Variants in GPRC5B observed in about 807,000 individuals in gnomAD.
GPRC5B encodes the protein G protein-coupled receptor class C group 5 member B.
A neutral mutation model predicts 30.1 loss-of-function variants in GPRC5B; 16 were observed. The ratio of observed to expected loss-of-function variants is 0.53; its 90% confidence interval spans 0.36 to 0.81. The LOEUF (loss-of-function observed/expected upper bound fraction) is 0.81. Ranked by LOEUF, GPRC5B falls within the 30% of genes least tolerant of loss-of-function variation. The pLI, the probability that GPRC5B is intolerant of heterozygous loss-of-function variation, is 0.01. For synonymous variants in GPRC5B, 241 were observed against 239.5 expected (o/e 1.01, Z -0.06); for missense variants, 428 against 544.7 (o/e 0.79, Z 2.13).
upstream of GPRC5B, chr16:19,885,240 A>G (rs1158770446): frequency 7.8e-7 from 1 of 1,288,506 alleles, no homozygotes; most frequent in Non-Finnish European, 1.0e-6. The surrounding 1 kb of genome is among the most constrained non-coding windows in gnomAD (Gnocchi z 5.3). Context: ...CCAGCGCGGA[A>G]GCCTTCCTGC....
chr16:19,876,783 C>A (rs1390690443), intron 1 of GPRC5B, among the ~76,000 whole-genome samples: 1 of 152,214 alleles, frequency 6.6e-6, no homozygotes, highest in African/African-American at 2.4e-5. Context: ...GAGGGTGGAA[C>A]GCTCTGCTCT....
chr16:19,885,140 G>C (rs1045172981), upstream of GPRC5B: 5 of 1,148,278 alleles, frequency 4.4e-6, no homozygotes, highest in Admixed American at 2.3e-5. This position sits in a 1 kb window ranked among gnomAD's most constrained non-coding sequence, Gnocchi z 5.3. Flanking sequence ...CAGTCCAGAC[G>C]AGCCGGGCAA....
Position 19,858,590 on chromosome 16 carries a change from A to G in GPRC5B, c.*1910T>C, listed in dbSNP as rs1567205497. 4.9e-6 allele frequency: 3 copies of G among 614,256 alleles called. No homozygotes were observed. The highest frequency in any genetic ancestry group is 8.9e-6 in the Non-Finnish European group (3 of 338,872). 38.1% of individuals were successfully genotyped at this position (614,256 alleles called of 1,614,324 possible). A position where few individuals can be genotyped will look rare whatever the true frequency, so the allele number is the denominator to read the frequency against. ...TGCTGTCGTTTTTTCACCGGACAGG[A>G]CCGAGGTGTTTGAAGATTTCTTTCT... On this transcript the variant is annotated 3_prime_UTR_variant, in exon 4 of 4. Transcript: ENST00000300571.
upstream of GPRC5B, chr16:19,884,864 T>G (rs1172363740): frequency 1.4e-5 from 14 of 981,754 alleles, no homozygotes; most frequent in Admixed American, 1.9e-4. Context: ...CCAGAGTCGC[T>G]GCCGCGCGAG....
chr16:19,872,872 T>TG lies in GPRC5B; in HGVS notation c.-1-27dup. On this transcript the variant is annotated intron_variant, in intron 1 of 3. Transcript: ENST00000300571. The surrounding 1 kb of genome is among the most constrained non-coding windows in gnomAD (Gnocchi z 5.0). ...CTAGAAAAGCCAAGAGGGGAATGGT[T>TG]GGGGGGAAGGAAAGATGAATTCATT... 4 of 1,551,574 alleles carry TG rather than the reference T, an allele frequency of 2.6e-6. No homozygotes were observed. Among genetic ancestry groups the TG allele is most frequent in the Admixed American group, 1.7e-5 (1 of 58,660 alleles).
At position 19,871,899 on chromosome 16, in the gene GPRC5B, C is replaced by T. The variant is rs1026987027; in HGVS notation, c.947G>A (p.Arg316Gln). The stretch of plus-strand genomic sequence containing the variant: ...CACGTCCTCCTCGAAGGCCGTCTCC[C>T]GCATCCTGGGCTGCGACGTGTCGAA... The part of the protein sequence containing the change: ...NYFDTSQPRM[R>Q]ETAFEEDVQL... The change falls in exon 2 of 4, where the codon CGG becomes CAG. Residue 316 changes from arginine to glutamine, a missense_variant. Coordinates refer to ENST00000300571, the MANE Select transcript of GPRC5B (RefSeq NM_016235.3). 41 of 1,613,932 alleles carry T rather than the reference C, an allele frequency of 2.5e-5. 1 individual carries two copies. Among genetic ancestry groups the T allele is most frequent in the Non-Finnish European group, 3.1e-5 (36 of 1,180,040 alleles).
At chr16:19,885,334 C>T, upstream of GPRC5B, 1 of 1,210,862 alleles carries the variant, frequency 8.3e-7, no homozygotes, top group Non-Finnish European at 1.1e-6. This position sits in a 1 kb window ranked among gnomAD's most constrained non-coding sequence, Gnocchi z 5.3. Context: ...CAGAGAGGAT[C>T]GATCCCGCCC....
At chr16:19,884,054 T>G (rs2056830125) in intron 1 of GPRC5B, among the ~76,000 whole-genome samples, 3 of 151,124 alleles carry the variant, frequency 2.0e-5, no homozygotes, top group South Asian at 2.1e-4. Context: ...GAGGTCCAAG[T>G]GCCCCCTGTC....
chr16:19,863,107 A>C (rs1030023611), intron 2 of GPRC5B, among the ~76,000 whole-genome samples: 1 of 151,362 alleles, frequency 6.6e-6, no homozygotes, highest in Non-Finnish European at 1.5e-5. Flanking sequence ...TTAACCATTA[A>C]CTCATTTAAT....
Position 19,872,073 on chromosome 16 carries a change from T to C in GPRC5B, c.773A>G (p.Asn258Ser). ...VAWMTMYLFG[N>S]VKLQQGDAWN... is the part of the protein sequence containing the mutation. Reference sequence around the variant, plus strand: ...GGCATCCCCCTGCTGCAGCTTGACATTGCCGAAGAGGTACATGGTCATCCA... The same window carrying C: ...GGCATCCCCCTGCTGCAGCTTGACACTGCCGAAGAGGTACATGGTCATCCA... Residue 258 changes from asparagine (N) to serine (S), a missense_variant, in exon 2 of 4, where the codon AAT becomes AGT. Around this residue, in one of 3 missense-constraint regions of GPRC5B, gnomAD observed 213 missense variants for 229.1 expected, o/e 0.93. Transcript: ENST00000300571. This position sits in a 1 kb window ranked among gnomAD's most constrained non-coding sequence, Gnocchi z 5.0. 6.2e-7 allele frequency: 1 copy of C among 1,614,038 alleles called. No homozygotes were observed. Among genetic ancestry groups the C allele is most frequent in the Non-Finnish European group, 8.5e-7 (1 of 1,179,994 alleles).
Position 19,861,990 on chromosome 16 carries a change from T to C in GPRC5B, c.1031-17A>G. 6.2e-7 allele frequency: 1 copy of C among 1,613,226 alleles called. No individual in the cohort carries two copies. The highest frequency in any genetic ancestry group is 8.5e-7 in the Non-Finnish European group (1 of 1,179,612). The stretch of plus-strand genomic sequence containing the variant: ...TTCGGAGAGCTGGGGGAGGGAGGGA[T>C]TGGCAAGACAACATTGCCAAAAAAA... On this transcript the variant is annotated splice_polypyrimidine_tract_variant and intron_variant, in intron 2 of 3. Transcript: ENST00000300571.
intron 1 of GPRC5B, among the ~76,000 whole-genome samples, chr16:19,883,658 C>T (rs1399145025): frequency 6.6e-6 from 1 of 152,264 alleles, no homozygotes; most frequent in Admixed American, 6.5e-5. Context: ...CAATGTGGCG[C>T]GTGGGCTGGG....
intron 1 of GPRC5B, among the ~76,000 whole-genome samples, chr16:19,875,328 T>C (rs916431796): frequency 4.6e-5 from 7 of 152,228 alleles, no homozygotes; most frequent in African/African-American, 1.7e-4. Flanking sequence ...AATCCAGCAC[T>C]TATTCGTGGT....
intron 1 of GPRC5B, among the ~76,000 whole-genome samples, chr16:19,884,175 C>T (rs1188007963): frequency 2.7e-5 from 4 of 148,186 alleles, no homozygotes; most frequent in African/African-American, 5.0e-5. Flanking sequence ...CATCTCCCAC[C>T]GCCGTGTCCC....
At chr16:19,865,319 T>C (rs2056657759) in intron 2 of GPRC5B, among the ~76,000 whole-genome samples, 1 of 152,124 alleles carries the variant, frequency 6.6e-6, no homozygotes, top group Non-Finnish European at 1.5e-5. Context: ...GGGGCTTCGA[T>C]GCGTTTATCA....
rs1255225535 is a variant in GPRC5B at position 19,857,937 on chromosome 16, CAA to C, written c.*2561_*2562del. Reference sequence around the variant, plus strand: ...GACAATTTTCTATTAAAAGGGGGGACAAGAGTGGCTGTTATAGACCCAAAGCG... The same window carrying C: ...GACAATTTTCTATTAAAAGGGGGGACGAGTGGCTGTTATAGACCCAAAGCG... On this transcript the variant is annotated 3_prime_UTR_variant, in exon 4 of 4. Transcript: ENST00000300571. The C allele has an allele frequency of 6.5e-6, 1 of 152,824 alleles. No individual in the cohort carries two copies. Among genetic ancestry groups the C allele is most frequent in the African/African-American group, 2.4e-5 (1 of 41,382 alleles). The allele number at this position is 152,824 out of a possible 1,614,324, so 9.5% of individuals were successfully genotyped here.
chr16:19,867,286 T>G (rs901950695), intron 2 of GPRC5B, among the ~76,000 whole-genome samples: 4 of 152,320 alleles, frequency 2.6e-5, no homozygotes, highest in Admixed American at 2.6e-4. Flanking sequence ...CTCTTGGCTC[T>G]GCCTGGATTT....
intron 2 of GPRC5B, among the ~76,000 whole-genome samples, chr16:19,870,976 GAA>G (rs35934193): frequency 2.7e-5 from 4 of 146,788 alleles, no homozygotes; most frequent in African/African-American, 7.5e-5. Context: ...AATTGGTAGG[GAA>G]AAAAAAAAAG....
chr16:19,884,530 G>A (rs1364153448), intron 1 of GPRC5B, among the ~76,000 whole-genome samples, 197 bp downstream of exon 1: 9 of 72,536 alleles, frequency 1.2e-4, no homozygotes, highest in African/African-American at 5.0e-4. Flanking sequence ...ACCCCTCTAC[G>A]GCTCTGCTCT....
Sources: allele counts gnomAD v4.1 joint callset (sites outside exome capture counted in the v4.1 genomes callset), GRCh38; gene constraint gnomAD v4.1.1; regional missense constraint gnomAD v4.1.1; non-coding constraint Gnocchi (gnomAD v3.1); transcripts MANE v1.5; gene names NCBI Gene and HGNC (gene_info 2026-07-23, HGNC 2026-07-21).